PRKN: variants seen among roughly 807,000 people sequenced by gnomAD.
PRKN encodes the protein E3 ubiquitin-protein ligase parkin.
In PRKN, 56 loss-of-function variants were observed where a neutral mutation model predicts 59.5. The ratio of observed to expected loss-of-function variants is 0.94; its 90% CI spans 0.76 to 1.18. PRKN has a LOEUF of 1.18. Among genes scored for constraint, PRKN ranks in the 50% most tolerant of loss-of-function variants. The pLI is 0.00. For synonymous variants in PRKN, 250 were observed against 222.1 expected (o/e 1.13, Z -1.12); for missense variants, 657 against 596.4 (o/e 1.10, Z -1.06).
rs1777893064 is a variant in PRKN, at chr6:161,499,848, C to T, written c.1083+49006G>A. 6.6e-6 allele frequency among the ~76,000 whole-genome samples: 1 copy of T among 152,100 alleles called. No homozygotes were observed. Among genetic ancestry groups the T allele is most frequent in the African/African-American group, 2.4e-5 (1 of 41,424 alleles). On this transcript the variant is annotated intron_variant, in intron 9 of 11. Transcript: ENST00000366898. This position sits in a 1 kb window ranked among gnomAD's most constrained non-coding sequence, Gnocchi z 4.2. ...CCCTTCAGAAGGTAGAATTTGGATG[C>T]CAAAATGCTATGATTTCTGAAATGG...
intron 1 of PRKN, among the ~76,000 whole-genome samples, chr6:162,482,728 A>G (rs1458414594): frequency 6.6e-6 from 1 of 152,210 alleles, no homozygotes; most frequent in African/African-American, 2.4e-5. Context: ...GCAAGAATAA[A>G]TATCTACTCC....
chr6:161,891,055 A>G (rs1795324578), intron 6 of PRKN, among the ~76,000 whole-genome samples: 1 of 152,182 alleles, frequency 6.6e-6, no homozygotes, highest in African/African-American at 2.4e-5. Flanking sequence ...AACAATAACA[A>G]TCACCGCTGT....
At chr6:162,145,445 G>A (rs936393849) in intron 4 of PRKN, among the ~76,000 whole-genome samples, 5 of 152,290 alleles carry the variant, frequency 3.3e-5, no homozygotes, top group Non-Finnish European at 7.3e-5. Flanking sequence ...CTGTGCCTGG[G>A]AATATTTACA....
intron 7 of PRKN, among the ~76,000 whole-genome samples, chr6:161,627,725 T>C (rs368774281): frequency 1.7e-4 from 26 of 152,346 alleles, no homozygotes; most frequent in Non-Finnish European, 3.5e-4. Context: ...GTGGACCCCA[T>C]TGGTGCAGAG....
At chr6:162,242,427 G>A (rs1465792402) in intron 3 of PRKN, among the ~76,000 whole-genome samples, 1 of 152,120 alleles carries the variant, frequency 6.6e-6, no homozygotes, top group Non-Finnish European at 1.5e-5. Context: ...AGTAGTCAGA[G>A]CGACATATGC....
intron 3 of PRKN, among the ~76,000 whole-genome samples, chr6:162,246,346 G>C (rs949756525): frequency 2.0e-5 from 3 of 152,100 alleles, no homozygotes; most frequent in Non-Finnish European, 2.9e-5. Flanking sequence ...GTACACCAAA[G>C]AGACATGCCT....
At chr6:161,923,582 A>C (rs1317496574) in intron 6 of PRKN, among the ~76,000 whole-genome samples, 1 of 149,774 alleles carries the variant, frequency 6.7e-6, no homozygotes, top group Non-Finnish European at 1.5e-5. Context: ...CTTGTTATCA[A>C]TTTTGTGAGA....
intron 5 of PRKN, among the ~76,000 whole-genome samples, chr6:162,018,228 G>T (rs1482101574): frequency 2.0e-5 from 3 of 152,024 alleles, no homozygotes; most frequent in Non-Finnish European, 4.4e-5. Flanking sequence ...GGGTTTCATC[G>T]TGTTAGCCAG....
chr6:161,587,265 A>C (rs1781552982), intron 7 of PRKN, among the ~76,000 whole-genome samples: 2 of 152,186 alleles, frequency 1.3e-5, no homozygotes, highest in Admixed American at 6.5e-5. Flanking sequence ...TAGGCCAAAA[A>C]GGAGAGCGAT....
At chr6:161,543,052 T>C (rs1431065060) in intron 9 of PRKN, among the ~76,000 whole-genome samples, 3 of 152,210 alleles carry the variant, frequency 2.0e-5, no homozygotes, top group African/African-American at 7.2e-5. Context: ...TGTTTTCTCT[T>C]TCCAAGGTCC....
chr6:162,015,375 A>T (rs1219069900), intron 5 of PRKN, among the ~76,000 whole-genome samples: 4 of 152,206 alleles, frequency 2.6e-5, no homozygotes, highest in Non-Finnish European at 4.4e-5. Flanking sequence ...CTAGAGAAAA[A>T]AAGAGCTATG....
At chr6:161,563,978 G>T (rs1029626096) in intron 8 of PRKN, among the ~76,000 whole-genome samples, 1 of 152,206 alleles carries the variant, frequency 6.6e-6, no homozygotes, top group Non-Finnish European at 1.5e-5. Flanking sequence ...AATATTCTAA[G>T]AGATGATTGA....
At chr6:162,307,473 C>A (rs1391194297) in intron 2 of PRKN, among the ~76,000 whole-genome samples, 1 of 146,214 alleles carries the variant, frequency 6.8e-6, no homozygotes, top group African/African-American at 2.5e-5. Flanking sequence ...GTATTATGTA[C>A]ATAATAAATT....
At position 161,544,982 on chromosome 6, in the gene PRKN, G is replaced by A. The variant is rs1779743470; in HGVS notation, c.1083+3872C>T. 5.2e-6 allele frequency: 1 copy of A among 191,276 alleles called. No homozygotes were observed. Among genetic ancestry groups the A allele is most frequent in the Non-Finnish European group, 1.0e-5 (1 of 97,110 alleles). 11.8% of individuals were successfully genotyped at this position (191,276 alleles called of 1,614,324 possible). On this transcript the variant is annotated intron_variant, in intron 9 of 11. Coordinates refer to ENST00000366898, the MANE Select transcript of PRKN (RefSeq NM_004562.3). The surrounding 1 kb of genome is among the most constrained non-coding windows in gnomAD (Gnocchi z 5.5). ...GAAAGGATATACAACAGAAACCACA[G>A]CTGTGCGGAAGACCACCCAGGTACA...
chr6:161,998,177 C>A (rs1781915966), intron 5 of PRKN, among the ~76,000 whole-genome samples: 1 of 152,016 alleles, frequency 6.6e-6, no homozygotes, highest in African/African-American at 2.4e-5. Flanking sequence ...AGTGAGGAAG[C>A]AGTAACTATA....
At position 161,844,479 on chromosome 6, in the gene PRKN, A is replaced by G. The variant is rs550306954; in HGVS notation, c.735-58571T>C. Among the ~76,000 whole-genome samples the G allele has an allele frequency of 1.1e-4, 16 of 152,290 alleles. No homozygotes were observed. In the East Asian group the frequency reaches 3.1e-3, roughly 29 times the overall value. On this transcript the variant is annotated intron_variant, in intron 6 of 11. Coordinates refer to ENST00000366898, the MANE Select transcript of PRKN (RefSeq NM_004562.3). Reference sequence around the variant, plus strand: ...TCTCTCTACGGAGCTGGACGGTTGGACTTTCTGCTGTCGTGGCAATGTTCT... The same window carrying G: ...TCTCTCTACGGAGCTGGACGGTTGGGCTTTCTGCTGTCGTGGCAATGTTCT...
intron 2 of PRKN, among the ~76,000 whole-genome samples, chr6:162,309,417 A>C (rs186229109): frequency 1.3e-5 from 2 of 152,278 alleles, no homozygotes; most frequent in African/African-American, 4.8e-5. Flanking sequence ...TGCATGCCTC[A>C]GCCTCCCAAA....
At position 161,428,894 on chromosome 6, in the gene PRKN, A is replaced by G. The variant is rs1363691046; in HGVS notation, c.1084-42017T>C. ...GCAGGCCTCTATCATGTGCTGACCT[A>G]TGGCTAGGGGTCCCTGGTTTCTCCC... is the stretch of plus-strand genomic sequence containing the variant. On this transcript the variant is annotated intron_variant, in intron 9 of 11. Transcript: ENST00000366898. This position sits in a 1 kb window ranked among gnomAD's most constrained non-coding sequence, Gnocchi z 4.0. Among the ~76,000 whole-genome samples the G allele has an allele frequency of 6.6e-6, 1 of 152,170 alleles. No individual in the cohort carries two copies. Among genetic ancestry groups the G allele is most frequent in the Non-Finnish European group, 1.5e-5 (1 of 68,022 alleles).
intron 1 of PRKN, among the ~76,000 whole-genome samples, chr6:162,556,345 GTGTGTGTGTGTGTGTGTGT>G (rs1779577689): frequency 3.9e-5 from 2 of 50,764 alleles, no homozygotes; most frequent in African/African-American, 6.5e-5. Flanking sequence ...CTCAGCTGGT[GTGTGTGTGTGTGTGTGTGT>G]GTGTGTGTGT....
Sources: allele counts gnomAD v4.1 joint callset (sites outside exome capture counted in the v4.1 genomes callset), GRCh38; gene constraint gnomAD v4.1.1; non-coding constraint Gnocchi (gnomAD v3.1); transcripts MANE v1.5; gene names NCBI Gene and HGNC (gene_info 2026-07-23, HGNC 2026-07-21).